The following PLD5 variants were observed in gnomAD, a reference collection of about 807,000 sequenced individuals.
The protein encoded by PLD5 is phospholipase D family member 5, also known as inactive phospholipase D5.
A neutral mutation model predicts 61.1 loss-of-function variants in PLD5; 36 were observed. The ratio of observed to expected loss-of-function variants is 0.59; its 90% CI spans 0.45 to 0.78. The LOEUF (loss-of-function observed/expected upper bound fraction) is 0.78. PLD5 is among the 30% of genes least tolerant of loss of function. The pLI is 0.00. For synonymous variants in PLD5, 243 were observed against 242.8 expected, an observed-to-expected ratio of 1.00 and a Z score of -0.01; for missense variants, 515 against 644.4, an observed-to-expected ratio of 0.80 and a Z score of 2.17.
At chr1:242,292,189 G>A (rs1179487397) in intron 2 of PLD5, among the ~76,000 whole-genome samples, 1 of 152,048 alleles carries the variant, frequency 6.6e-6, no homozygotes, top group Admixed American at 6.6e-5. Context: ...GACATAGCGC[G>A]GATAAATAAT....
chr1:242,266,165 C>G (rs1478182653), intron 3 of PLD5, among the ~76,000 whole-genome samples: 3 of 152,162 alleles, frequency 2.0e-5, no homozygotes, highest in Admixed American at 2.0e-4. Flanking sequence ...CACTTGAGGC[C>G]AAGAGTCTGA....
chr1:242,312,005 G>C (rs1442677968), intron 2 of PLD5, among the ~76,000 whole-genome samples: 1 of 151,484 alleles, frequency 6.6e-6, no homozygotes, highest in Non-Finnish European at 1.5e-5. Flanking sequence ...TTGCATCTCT[G>C]GTGAATTTTT....
rs1452921046 is a variant in PLD5 at position 242,421,175 on chromosome 1, T to G, written c.190-72933A>C. On this transcript the variant is annotated intron_variant, in intron 1 of 9. Transcript: ENST00000536534. ...AGCCTGGGGACAGTGAGACTCCACCTCAAAAAAAAAAAAAAAAAAAAAAAG... is the reference window on the plus strand; with the variant it reads ...AGCCTGGGGACAGTGAGACTCCACCGCAAAAAAAAAAAAAAAAAAAAAAAG... Among the ~76,000 whole-genome samples the G allele has an allele frequency of 6.5e-5, 3 of 45,996 alleles. No individual in the cohort carries two copies. The Admixed American group carries it at 9.3e-4, about 14-fold the overall frequency. 30.2% of individuals were successfully genotyped at this position (45,996 alleles called of 152,430 possible). A position where few individuals can be genotyped will look rare whatever the true frequency, so the allele number is the denominator to read the frequency against.
rs183991206 is a variant in PLD5 at position 242,128,738 on chromosome 1, C to A, written c.736-4073G>T. On this transcript the variant is annotated intron_variant, in intron 5 of 9. Coordinates refer to ENST00000536534, the MANE Select transcript of PLD5 (RefSeq NM_001372062.1). Reference sequence around the variant, plus strand: ...AGGGAGCACAGAAACTAGAGAGAGACCAATATGGCCTAGTTAGGATGTAGC... The same window carrying A: ...AGGGAGCACAGAAACTAGAGAGAGAACAATATGGCCTAGTTAGGATGTAGC... Among the ~76,000 whole-genome samples, 46 of 152,202 alleles carry A rather than the reference C, an allele frequency of 3.0e-4. No homozygotes were observed. The East Asian group carries it at 8.3e-3, about 27-fold the overall frequency.
Position 242,410,731 on chromosome 1 carries a change from T to A in PLD5, c.190-62489A>T, listed in dbSNP as rs1013933197. ...ACTGAGCATGTGGGAGTTATTTATA[T>A]CCTACTGCTCAAGGTCATCGCCAAG... On this transcript the variant is annotated intron_variant, in intron 1 of 9. Coordinates refer to ENST00000536534, the MANE Select transcript of PLD5 (RefSeq NM_001372062.1). Among the ~76,000 whole-genome samples, 5 of 152,072 alleles carry A rather than the reference T, an allele frequency of 3.3e-5. No homozygotes were observed. The East Asian group carries it at 9.7e-4, about 29-fold the overall frequency.
intron 5 of PLD5, among the ~76,000 whole-genome samples, chr1:242,151,880 G>A (rs886232393): frequency 2.6e-5 from 4 of 151,754 alleles, no homozygotes; most frequent in East Asian, 1.9e-4. Flanking sequence ...TAGACTCACA[G>A]GAAGCTGTAA....
At chr1:242,161,857 T>TAGAGC (rs1665862695) in intron 5 of PLD5, among the ~76,000 whole-genome samples, 1 of 152,138 alleles carries the variant, frequency 6.6e-6, no homozygotes, top group Non-Finnish European at 1.5e-5. Flanking sequence ...TACAACCACA[T>TAGAGC]AGAGCATCGG....
chr1:242,518,496 A>G (rs1237305562), intron 1 of PLD5, among the ~76,000 whole-genome samples: 2 of 152,218 alleles, frequency 1.3e-5, no homozygotes, highest in African/African-American at 2.4e-5. Context: ...CAATTCAGTA[A>G]GAGAACATAA....
At chr1:242,279,664 C>T (rs1674612256) in intron 3 of PLD5, among the ~76,000 whole-genome samples, 1 of 151,834 alleles carries the variant, frequency 6.6e-6, no homozygotes, top group Non-Finnish European at 1.5e-5. Context: ...CTCCTAAGTA[C>T]CTGGGACTAC....
chr1:242,198,922 C>T (rs1336156018), intron 5 of PLD5, among the ~76,000 whole-genome samples: 2 of 151,350 alleles, frequency 1.3e-5, no homozygotes, highest in Non-Finnish European at 1.5e-5. Context: ...TTAGTACAGA[C>T]GGGGTTTCTC....
At chr1:242,321,390 A>AC (rs1454623521) in intron 2 of PLD5, among the ~76,000 whole-genome samples, 1 of 148,008 alleles carries the variant, frequency 6.8e-6, no homozygotes, top group Non-Finnish European at 1.5e-5. Context: ...TGCAACTTCC[A>AC]CCTCCCAGGT....
intron 1 of PLD5, among the ~76,000 whole-genome samples, chr1:242,481,274 G>A (rs911399951): frequency 3.9e-5 from 6 of 152,198 alleles, no homozygotes; most frequent in South Asian, 2.1e-4. Flanking sequence ...CACCTCACCC[G>A]GGAAGTGCAA....
At chr1:242,504,248 T>C (rs1302964724) in intron 1 of PLD5, among the ~76,000 whole-genome samples, 2 of 152,176 alleles carry the variant, frequency 1.3e-5, no homozygotes, top group African/African-American at 4.8e-5. Flanking sequence ...CCAAAATGTG[T>C]TGTTTTCATC....
intron 1 of PLD5, among the ~76,000 whole-genome samples, chr1:242,363,974 C>A (rs527236273): frequency 1.5e-4 from 23 of 152,200 alleles, no homozygotes; most frequent in Non-Finnish European, 2.2e-4. Flanking sequence ...CTTGCAGTCT[C>A]TGAAGGAGAG....
chr1:242,437,897 G>T (rs990906703), intron 1 of PLD5, among the ~76,000 whole-genome samples: 1 of 152,222 alleles, frequency 6.6e-6, no homozygotes, highest in African/African-American at 2.4e-5. Flanking sequence ...CCAAGTGCAT[G>T]CTGTCATCAC....
At chr1:242,162,591 C>T (rs1665927751) in intron 5 of PLD5, among the ~76,000 whole-genome samples, 1 of 151,880 alleles carries the variant, frequency 6.6e-6, no homozygotes, top group South Asian at 2.1e-4. Context: ...AAAAAATTGC[C>T]CAGGGTTGAG....
chr1:242,275,714 G>A (rs1027267530), intron 3 of PLD5, among the ~76,000 whole-genome samples: 1 of 152,150 alleles, frequency 6.6e-6, no homozygotes, highest in Non-Finnish European at 1.5e-5. Flanking sequence ...CCAGCATAAG[G>A]CCTCAGGGAA....
chr1:242,184,676 C>A (rs1243296775), intron 5 of PLD5, among the ~76,000 whole-genome samples: 1 of 152,154 alleles, frequency 6.6e-6, no homozygotes, highest in East Asian at 1.9e-4. Context: ...CCTCAGTTGT[C>A]TTCTGACTCT....
chr1:242,168,007 T>A (rs1666452911), intron 5 of PLD5, among the ~76,000 whole-genome samples: 1 of 152,144 alleles, frequency 6.6e-6, no homozygotes, highest in Non-Finnish European at 1.5e-5. Flanking sequence ...CATGCTGAGG[T>A]GCCACTGCAA....
Sources: allele counts gnomAD v4.1 joint callset (sites outside exome capture counted in the v4.1 genomes callset), GRCh38; gene constraint gnomAD v4.1.1; transcripts MANE v1.5; gene names NCBI Gene and HGNC (gene_info 2026-07-23, HGNC 2026-07-21).